MAML2: variants seen among roughly 807,000 people sequenced by gnomAD.
MAML2 encodes the protein mastermind-like protein 2.
A neutral mutation model predicts 96.1 loss-of-function variants in MAML2; 22 were observed. The ratio of observed to expected loss-of-function variants is 0.23; its 90% CI spans 0.16 to 0.33. The LOEUF (loss-of-function observed/expected upper bound fraction) is 0.33. Ranked by LOEUF, MAML2 falls within the 10% of genes least tolerant of loss-of-function variation. The pLI, the probability that MAML2 is intolerant of heterozygous loss-of-function variation, is 1.00. For missense variants in MAML2, 1,367 were observed against 1,392.4 expected (o/e 0.98, Z 0.29); for synonymous variants, 561 against 521.3 (o/e 1.08, Z -1.04).
At chr11:96,240,622 A>G (rs995502746) in intron 1 of MAML2, among the ~76,000 whole-genome samples, 1 of 147,716 alleles carries the variant, frequency 6.8e-6, no homozygotes, top group Non-Finnish European at 1.5e-5. Flanking sequence ...TTATATATTT[A>G]GTGGGCTTAT....
At chr11:96,104,469 C>A (rs1859989203) in intron 1 of MAML2, among the ~76,000 whole-genome samples, 1 of 152,142 alleles carries the variant, frequency 6.6e-6, no homozygotes, top group South Asian at 2.1e-4. Flanking sequence ...AATACATCTG[C>A]CCTTGCTAAC....
intron 1 of MAML2, among the ~76,000 whole-genome samples, chr11:96,256,987 G>A (rs561852591): frequency 1.3e-5 from 2 of 152,252 alleles, no homozygotes; most frequent in East Asian, 1.9e-4. Flanking sequence ...CAAGAAAACC[G>A]CCAGTGGCAA....
rs186034888 is a variant in MAML2, at chr11:96,163,909, C to A, written c.514-70392G>T. Among the ~76,000 whole-genome samples, 9 of 146,250 alleles carry A rather than the reference C, an allele frequency of 6.2e-5. No individual in the cohort carries two copies. In the South Asian group the frequency reaches 1.9e-3, roughly 32 times the overall value. On this transcript the variant is annotated intron_variant, in intron 1 of 4. Transcript: ENST00000524717. The stretch of plus-strand genomic sequence containing the variant: ...TGGAGTTTTGCTCTTGTTGCCCATG[C>A]GGGAGTGCAATGGTGTGATCTCGGC...
chr11:96,111,383 G>A (rs1050361973), intron 1 of MAML2, among the ~76,000 whole-genome samples: 27 of 152,012 alleles, frequency 1.8e-4, no homozygotes, highest in Admixed American at 1.2e-3. Flanking sequence ...ACAGTCATAC[G>A]CAGATGCAAT....
At chr11:96,173,514 C>T (rs534765898) in intron 1 of MAML2, among the ~76,000 whole-genome samples, 11 of 152,220 alleles carry the variant, frequency 7.2e-5, no homozygotes, top group South Asian at 4.1e-4. Flanking sequence ...GGGGAAGAAA[C>T]GGGTAGGACA....
At chr11:96,241,499 T>TA (rs1161443223) in intron 1 of MAML2, among the ~76,000 whole-genome samples, 1 of 152,196 alleles carries the variant, frequency 6.6e-6, no homozygotes, top group Non-Finnish European at 1.5e-5. Flanking sequence ...TACTGGCACC[T>TA]AGTGGGTAGA....
chr11:96,151,003 T>G, intron 1 of MAML2, among the ~76,000 whole-genome samples: 1 of 152,362 alleles, frequency 6.6e-6, no homozygotes, highest in East Asian at 1.9e-4. Flanking sequence ...TTTGGTGATC[T>G]GAATGCACAT....
intron 1 of MAML2, among the ~76,000 whole-genome samples, chr11:96,098,146 G>T (rs1248263249): frequency 2.0e-5 from 3 of 152,192 alleles, no homozygotes; most frequent in Non-Finnish European, 4.4e-5. Context: ...GGGTTGGATG[G>T]CAAGGAGAGA....
chr11:96,116,650 G>A (rs988012492), intron 1 of MAML2, among the ~76,000 whole-genome samples: 1 of 152,166 alleles, frequency 6.6e-6, no homozygotes, highest in Non-Finnish European at 1.5e-5. Flanking sequence ...GGAAGAAGGT[G>A]GGAAAACAAA....
At chr11:95,992,560 T>C (rs909747737) in intron 2 of MAML2, among the ~76,000 whole-genome samples, 5 of 152,204 alleles carry the variant, frequency 3.3e-5, no homozygotes, top group African/African-American at 9.6e-5. Flanking sequence ...AGTACACTAG[T>C]AGGGTTACAA....
At chr11:96,106,294 G>A (rs1860019807) in intron 1 of MAML2, among the ~76,000 whole-genome samples, 1 of 152,138 alleles carries the variant, frequency 6.6e-6, no homozygotes, top group South Asian at 2.1e-4. Flanking sequence ...CTTTTGGCAG[G>A]TCAAAATTGT....
chr11:96,039,878 A>G (rs1411985710), intron 2 of MAML2, among the ~76,000 whole-genome samples: 1 of 151,238 alleles, frequency 6.6e-6, no homozygotes, highest in African/African-American at 2.4e-5. Context: ...GAATGGCGTG[A>G]ACCCGGGAGG....
chr11:96,036,738 G>A (rs1480094763), intron 2 of MAML2, among the ~76,000 whole-genome samples: 1 of 151,812 alleles, frequency 6.6e-6, no homozygotes, highest in Non-Finnish European at 1.5e-5. Flanking sequence ...GAGATGTGGC[G>A]ATCCAAATTC....
intron 1 of MAML2, among the ~76,000 whole-genome samples, chr11:96,336,189 A>G (rs949457416): frequency 4.6e-5 from 7 of 152,338 alleles, no homozygotes; most frequent in South Asian, 4.1e-4. Context: ...AAATCTATGC[A>G]TTAAATTATT....
At chr11:96,299,060 A>AAAAAAAATATATATATATATAT (rs55878534) in intron 1 of MAML2, among the ~76,000 whole-genome samples, 2 of 56,340 alleles carry the variant, frequency 3.5e-5, no homozygotes, top group Non-Finnish European at 3.0e-5. Flanking sequence ...AAAAAAAAAA[A>AAAAAAAATATATATATATATAT]ATATATATAT....
chr11:96,014,173 C>T (rs1858307997), intron 2 of MAML2, among the ~76,000 whole-genome samples: 1 of 152,174 alleles, frequency 6.6e-6, no homozygotes, highest in African/African-American at 2.4e-5. Flanking sequence ...GGGAATCTTT[C>T]TTGTCTCAAA....
chr11:96,012,537 T>C (rs1858282934), intron 2 of MAML2, among the ~76,000 whole-genome samples: 2 of 152,184 alleles, frequency 1.3e-5, no homozygotes, highest in African/African-American at 4.8e-5. Flanking sequence ...AGAGTCTCTA[T>C]GTGCACATGT....
chr11:96,334,810 T>C (rs1863896982), intron 1 of MAML2, among the ~76,000 whole-genome samples: 1 of 152,250 alleles, frequency 6.6e-6, no homozygotes, highest in Non-Finnish European at 1.5e-5. Context: ...TGGAGAGCTG[T>C]AGCATGTGTC....
chr11:96,079,696 T>C (rs1027398128), intron 2 of MAML2, among the ~76,000 whole-genome samples: 1 of 152,150 alleles, frequency 6.6e-6, no homozygotes, highest in African/African-American at 2.4e-5. Flanking sequence ...TCTAACACTT[T>C]CCCCTTCACA....
Sources: allele counts gnomAD v4.1 joint callset (sites outside exome capture counted in the v4.1 genomes callset), GRCh38; gene constraint gnomAD v4.1.1; transcripts MANE v1.5; gene names NCBI Gene and HGNC (gene_info 2026-07-23, HGNC 2026-07-21).